The following MTUS1 variants were observed in gnomAD, a reference collection of about 807,000 sequenced individuals.
The protein encoded by MTUS1 is microtubule associated scaffold protein 1.
MTUS1 carries 109 observed loss-of-function variants against 120.8 expected under a neutral mutation model. The observed-to-expected ratio is 0.90, with a 90% confidence interval of 0.77 to 1.06. The LOEUF (loss-of-function observed/expected upper bound fraction) is 1.06, where lower values mean the gene tolerates loss of function less well. Ranked by LOEUF, MTUS1 falls within the 50% of genes least tolerant of loss-of-function variation. The pLI, the probability that MTUS1 is intolerant of heterozygous loss-of-function variation, is 0.00. For synonymous variants in MTUS1, 737 were observed against 550.5 expected, an observed-to-expected ratio of 1.34 and a Z score of -4.74; for missense variants, 2,210 against 1,486.3, an observed-to-expected ratio of 1.49 and a Z score of -8.01.
At chr8:17,684,690 G>A (rs1448127753) in intron 6 of MTUS1, 148 bp from the exon 7 acceptor site, 1 of 657,588 alleles carries the variant, frequency 1.5e-6, no homozygotes, top group African/African-American at 1.8e-5. Context: ...GAACTGGAAT[G>A]AATCGGAGAT....
chr8:17,720,420 C>G (rs542976078), intron 4 of MTUS1, among the ~76,000 whole-genome samples: 259 of 152,072 alleles, frequency 1.7e-3, no homozygotes, highest in Non-Finnish European at 1.9e-3. Flanking sequence ...CATGTTACAC[C>G]CCACTCAGCC....
intron 1 of MTUS1, 188 bp downstream of exon 1, chr8:17,800,873 C>T (rs1343327210): frequency 6.5e-6 from 1 of 153,018 alleles, no homozygotes; most frequent in Non-Finnish European, 1.5e-5. Flanking sequence ...CTGCGCTGGC[C>T]CACGTGAGAC....
At chr8:17,773,418 A>T (rs972384674) in intron 1 of MTUS1, among the ~76,000 whole-genome samples, 19 of 152,344 alleles carry the variant, frequency 1.2e-4, no homozygotes, top group African/African-American at 4.3e-4. Flanking sequence ...ACATAAAGGC[A>T]AATCTAGGGT....
At position 17,723,641 on chromosome 8, in the gene MTUS1, A is replaced by G. The variant is rs200455629; in HGVS notation, c.2449+31T>C. 5.6e-6 allele frequency: 9 copies of G among 1,594,272 alleles called. No individual in the cohort carries two copies. In the South Asian group the frequency reaches 8.8e-5, roughly 16 times the overall value. On this transcript the variant is annotated intron_variant, in intron 4 of 14. Transcript: ENST00000693296. ...TTTTCTTGTAATGACTGTTTCCACA[A>G]CCCCCGAAGTGTGATATAAAGTCGA... is the stretch of plus-strand genomic sequence containing the variant.
At chr8:17,701,954 C>T (rs1213970245) in intron 6 of MTUS1, among the ~76,000 whole-genome samples, 1 of 152,198 alleles carries the variant, frequency 6.6e-6, no homozygotes, top group Non-Finnish European at 1.5e-5. Context: ...AAATTTCACA[C>T]TTATCTTTCC....
At chr8:17,692,778 G>T (rs1376529317) in intron 6 of MTUS1, among the ~76,000 whole-genome samples, 1 of 152,092 alleles carries the variant, frequency 6.6e-6, no homozygotes, top group African/African-American at 2.4e-5. Flanking sequence ...TATTGTACAA[G>T]AATCTGTACA....
At chr8:17,681,116 G>T (rs7387803) in intron 7 of MTUS1, among the ~76,000 whole-genome samples, 117,189 of 151,814 alleles carry the variant, frequency 0.77, 45,789 homozygotes, top group East Asian at 0.96. Context: ...GTAGTTTTAG[G>T]GGAGATGGGG....
intron 8 of MTUS1, among the ~76,000 whole-genome samples, chr8:17,656,459 C>T (rs532280733): frequency 5.3e-5 from 8 of 151,378 alleles, no homozygotes; most frequent in South Asian, 4.2e-4. Context: ...ACCCGGGAGG[C>T]GGAGGTTGTA....
chr8:17,654,866 T>A, intron 9 of MTUS1, 200 bp from the exon 10 acceptor site: 1 of 578,916 alleles, frequency 1.7e-6, no homozygotes. Context: ...AGGTGGAGGA[T>A]CACTTGGAGC....
intron 1 of MTUS1, among the ~76,000 whole-genome samples, chr8:17,776,626 G>T (rs10112243): frequency 2.2e-5 from 3 of 139,014 alleles, no homozygotes; most frequent in African/African-American, 5.2e-5. Flanking sequence ...TTGTAGTGAG[G>T]TGAGACTGCA....
Position 17,754,313 on chromosome 8 carries a change from T to G in MTUS1, c.1495A>C (p.Ile499Leu). 1 of 1,614,158 alleles carries G rather than the reference T, an allele frequency of 6.2e-7. No homozygotes were observed. The highest frequency in any genetic ancestry group is 1.6e-4 in the Middle Eastern group (1 of 6,062). Residue 499 changes from isoleucine (I) to leucine (L), a missense_variant, in exon 2 of 15, where the codon ATT becomes CTT. Ile to Leu is a conservative substitution (Grantham distance 5, BLOSUM62 2). Transcript: ENST00000693296. The stretch of plus-strand genomic sequence containing the variant: ...AAGTTTGGTCTTGGGTAACTTATAA[T>G]TTCAGTTTTTCTAACTTTGCAGCCT... Reference protein sequence around the residue: ...PIGCKVRKTEIISYPRPNFKN... With the variant: ...PIGCKVRKTELISYPRPNFKN...
intron 1 of MTUS1, among the ~76,000 whole-genome samples, chr8:17,768,004 G>C (rs1313096933): frequency 6.6e-6 from 1 of 152,232 alleles, no homozygotes; most frequent in African/African-American, 2.4e-5. Context: ...ACGCTTAAAA[G>C]GCCACTGCTG....
chr8:17,697,048 AAAC>A (rs1818112774), intron 6 of MTUS1, among the ~76,000 whole-genome samples: 1 of 152,230 alleles, frequency 6.6e-6, no homozygotes, highest in Non-Finnish European at 1.5e-5. Context: ...CCATCAACAC[AAAC>A]AACACAATCT....
At chr8:17,749,343 C>G (rs142967267) in intron 2 of MTUS1, among the ~76,000 whole-genome samples, 1 of 152,218 alleles carries the variant, frequency 6.6e-6, no homozygotes, top group East Asian at 1.9e-4. Context: ...AGGTCTTTAA[C>G]TCTTTGAACC....
At chr8:17,714,608 C>A (rs1380338523) in intron 5 of MTUS1, among the ~76,000 whole-genome samples, 1 of 152,078 alleles carries the variant, frequency 6.6e-6, no homozygotes, top group Admixed American at 6.6e-5. Context: ...AAGAAGCTCT[C>A]CTGATACACT....
chr8:17,759,545 T>TA (rs1284040931), intron 1 of MTUS1, among the ~76,000 whole-genome samples: 1 of 149,702 alleles, frequency 6.7e-6, no homozygotes, highest in Non-Finnish European at 1.5e-5. Context: ...TTGCTATATT[T>TA]AAAAAGGGGG....
rs573061680 is a variant in MTUS1, at chr8:17,680,885, G to A, written c.2838+3443C>T. ...ATCTCAAATTGACTCCCGGGCCTTC[G>A]TTCACTGGGGGGAATACAAGGTGGA... On this transcript the variant is annotated intron_variant, in intron 7 of 14. Transcript: ENST00000693296. Among the ~76,000 whole-genome samples, 5 of 152,118 alleles carry A rather than the reference G, an allele frequency of 3.3e-5. No homozygotes were observed. The East Asian group carries it at 5.8e-4, about 18-fold the overall frequency.
intron 1 of MTUS1, among the ~76,000 whole-genome samples, chr8:17,775,043 G>A (rs1289315831): frequency 6.6e-6 from 1 of 150,496 alleles, no homozygotes; most frequent in Admixed American, 6.6e-5. Context: ...AGCACCTGGA[G>A]TAGTCAAATG....
chr8:17,769,758 C>T (rs1205702618), intron 1 of MTUS1, among the ~76,000 whole-genome samples: 1 of 152,026 alleles, frequency 6.6e-6, no homozygotes, highest in Non-Finnish European at 1.5e-5. Context: ...TTCCCTCAAT[C>T]CTCATCTCTT....
Sources: allele counts gnomAD v4.1 joint callset (sites outside exome capture counted in the v4.1 genomes callset), GRCh38; gene constraint gnomAD v4.1.1; transcripts MANE v1.5; gene names NCBI Gene and HGNC (gene_info 2026-07-23, HGNC 2026-07-21).